Variants in NOX3 observed in about 807,000 individuals in gnomAD.
The protein encoded by NOX3 is NADPH oxidase 3, also known as NADPH oxidase catalytic subunit-like 3.
Under a neutral mutation model 76.7 loss-of-function variants are expected in NOX3, and 74 were observed. The observed-to-expected ratio is 0.96, with a 90% confidence interval of 0.80 to 1.17. The LOEUF (loss-of-function observed/expected upper bound fraction) is 1.17, where lower values mean the gene tolerates loss of function less well. Among genes scored for constraint, NOX3 ranks in the 50% most tolerant of loss-of-function variants. The probability of loss-of-function intolerance (pLI) is 0.00; values close to 1 mark genes in which losing one functional copy is unlikely to be tolerated. For synonymous variants in NOX3, 263 were observed against 261.1 expected, an observed-to-expected ratio of 1.01 and a Z score of -0.07; for missense variants, 695 against 703.3, an observed-to-expected ratio of 0.99 and a Z score of 0.13.
intron 11 of NOX3, among the ~76,000 whole-genome samples, chr6:155,409,955 G>T (rs1368604398): frequency 6.6e-6 from 1 of 152,120 alleles, no homozygotes; most frequent in East Asian, 1.9e-4. Flanking sequence ...GAATACCTAG[G>T]TGCACACTGG....
At chr6:155,417,843 T>C (rs1390236803) in intron 10 of NOX3, among the ~76,000 whole-genome samples, 1 of 152,182 alleles carries the variant, frequency 6.6e-6, no homozygotes, top group African/African-American at 2.4e-5. Flanking sequence ...GCCCGTGCTG[T>C]CTTTTTATTT....
At chr6:155,437,893 G>T (rs1776932199) in intron 6 of NOX3, among the ~76,000 whole-genome samples, 1 of 152,158 alleles carries the variant, frequency 6.6e-6, no homozygotes, top group African/African-American at 2.4e-5. Context: ...AATTGCTTTC[G>T]CTGTAAACAG....
At chr6:155,429,167 C>T (rs1008276416) in intron 8 of NOX3, 120 bp from the exon 9 acceptor site, 2 of 977,610 alleles carry the variant, frequency 2.0e-6, no homozygotes, top group Non-Finnish European at 2.9e-6. Flanking sequence ...TTTACATATC[C>T]CATCTGCTGT....
Position 155,396,870 on chromosome 6 carries a change from C to T in NOX3, c.1673G>A (p.Gly558Asp). The T allele has an allele frequency of 3.7e-6, 6 of 1,613,046 alleles. No homozygotes were observed. Among genetic ancestry groups the T allele is most frequent in the South Asian group, 1.1e-5 (1 of 91,022 alleles). The change falls in exon 13 of 14, where the codon GGT (glycine) becomes GAT (aspartate). Residue 558 changes from glycine (G) to aspartate (D), a missense_variant. Coordinates refer to ENST00000159060, the MANE Select transcript of NOX3 (RefSeq NM_015718.3). Reference sequence around the variant, plus strand: ...CTCCTTGTTGTAATAGAAATGAACACCTCTGGGGTCAGCTGATGAATACAA... The same window carrying T: ...CTCCTTGTTGTAATAGAAATGAACATCTCTGGGGTCAGCTGATGAATACAA... ...CHLYSSADPR[G>D]VHFYYNKESF
intron 9 of NOX3, among the ~76,000 whole-genome samples, chr6:155,428,204 G>T (rs1242430412): frequency 6.6e-6 from 1 of 152,238 alleles, no homozygotes; most frequent in African/African-American, 2.4e-5. Context: ...TTTCTGAATA[G>T]AGTGATGCTG....
chr6:155,443,545 T>C, intron 4 of NOX3, 127 bp from the exon 5 acceptor site: 2 of 1,130,390 alleles, frequency 1.8e-6, no homozygotes, highest in South Asian at 1.7e-5. Flanking sequence ...GGAAAAGTGA[T>C]GTATTTACAC....
rs564614547 is a variant in NOX3, at chr6:155,435,440, A to T, written c.798+978T>A. Among the ~76,000 whole-genome samples the T allele has an allele frequency of 2.6e-5, 4 of 152,284 alleles. No individual in the cohort carries two copies. The South Asian group carries it at 8.3e-4, about 32-fold the overall frequency. On this transcript the variant is annotated intron_variant, in intron 7 of 13. Coordinates refer to ENST00000159060, the MANE Select transcript of NOX3 (RefSeq NM_015718.3). ...AAAAGAACCACAGTCTAATGGGCATATCTATTCCGGTTCTCTCGGTTTTAA... is the reference window on the plus strand; with the variant it reads ...AAAAGAACCACAGTCTAATGGGCATTTCTATTCCGGTTCTCTCGGTTTTAA...
rs1298409417 is a variant in NOX3, at chr6:155,407,066, C to G, written c.1580+64G>C. The G allele has an allele frequency of 3.8e-6, 6 of 1,593,108 alleles. No homozygotes were observed. In the Admixed American group the frequency reaches 1.0e-4, roughly 27 times the overall value. ...CGGTACTGCAGATTAACTTTTCACT[C>G]CAGCAGCCCTTGCATTTCTCCAGAG... is the stretch of plus-strand genomic sequence containing the variant. On this transcript the variant is annotated intron_variant, in intron 12 of 13. Coordinates refer to ENST00000159060, the MANE Select transcript of NOX3 (RefSeq NM_015718.3).
At chr6:155,422,249 C>A (rs532369457) in intron 10 of NOX3, among the ~76,000 whole-genome samples, 3 of 152,154 alleles carry the variant, frequency 2.0e-5, no homozygotes, top group Admixed American at 1.3e-4. Flanking sequence ...GGATGGCCAC[C>A]CCACAGCAAG....
chr6:155,414,788 C>A (rs1449846310), intron 10 of NOX3, among the ~76,000 whole-genome samples: 1 of 151,836 alleles, frequency 6.6e-6, no homozygotes, highest in African/African-American at 2.4e-5. Flanking sequence ...CCACCATGCA[C>A]GACGAAGTTT....
intron 9 of NOX3, among the ~76,000 whole-genome samples, chr6:155,426,990 T>C (rs405363): frequency 0.027 from 704 of 26,172 alleles, 10 homozygotes; most frequent in African/African-American, 0.043. Context: ...GTGGCGTGTG[T>C]GTGTGTGTGT....
At chr6:155,406,753 T>C (rs1172282033) in intron 12 of NOX3, among the ~76,000 whole-genome samples, 3 of 152,204 alleles carry the variant, frequency 2.0e-5, no homozygotes, top group Non-Finnish European at 4.4e-5. Context: ...TGCTTTGTCT[T>C]CTAACATTTT....
intron 9 of NOX3, among the ~76,000 whole-genome samples, chr6:155,427,280 C>T (rs971849627): frequency 6.6e-6 from 1 of 152,112 alleles, no homozygotes; most frequent in African/African-American, 2.4e-5. Context: ...TTCCTACCCA[C>T]TAAATACAAC....
chr6:155,397,943 G>A (rs162998), intron 12 of NOX3, among the ~76,000 whole-genome samples: 53,530 of 152,008 alleles, frequency 0.35, 12,438 homozygotes, highest in African/African-American at 0.66. Context: ...GCATATAGTG[G>A]CTATCCCAGA....
chr6:155,408,453 G>A (rs778626280), intron 11 of NOX3, among the ~76,000 whole-genome samples: 1 of 152,136 alleles, frequency 6.6e-6, no homozygotes, highest in African/African-American at 2.4e-5. Flanking sequence ...TGACCAGTTT[G>A]GCTAACAACC....
intron 11 of NOX3, among the ~76,000 whole-genome samples, chr6:155,408,992 C>T (rs141976920): frequency 0.018 from 2,770 of 152,236 alleles, 42 homozygotes; most frequent in Non-Finnish European, 0.032. Flanking sequence ...TGACAAAGAA[C>T]CTACTGGGTA....
intron 10 of NOX3, among the ~76,000 whole-genome samples, chr6:155,416,554 C>T (rs74353293): frequency 0.012 from 1,847 of 152,152 alleles, 34 homozygotes; most frequent in African/African-American, 0.041. Context: ...CATTATAAGG[C>T]CAAGACCAGG....
chr6:155,422,537 A>G (rs1305279258), intron 10 of NOX3, among the ~76,000 whole-genome samples, 157 bp downstream of exon 10: 1 of 152,216 alleles, frequency 6.6e-6, no homozygotes, highest in Non-Finnish European at 1.5e-5. Flanking sequence ...TAAATGTAAT[A>G]CTGAGTGGAG....
chr6:155,441,053 C>G (rs9384328), intron 5 of NOX3, among the ~76,000 whole-genome samples: 18,577 of 152,184 alleles, frequency 0.12, 1,381 homozygotes, highest in East Asian at 0.33. Flanking sequence ...GTGGACACGG[C>G]TAAACGGCCA....
Sources: gnomAD v4.1 joint callset for allele counts (sites outside exome capture counted in the v4.1 genomes callset) on GRCh38, gnomAD v4.1.1 for gene constraint, MANE v1.5 for transcripts, NCBI Gene and HGNC (gene_info 2026-07-23, HGNC 2026-07-21) for gene names.